The following MED13L variants were observed in gnomAD, a reference collection of about 807,000 sequenced individuals.
MED13L encodes the protein mediator complex subunit 13L.
A neutral mutation model predicts 220.9 loss-of-function variants in MED13L; 7 were observed. The ratio of observed to expected loss-of-function variants is 0.03; its 90% CI spans 0.02 to 0.06. The LOEUF is 0.06. Among genes scored for constraint, MED13L ranks in the 10% least tolerant of loss-of-function variants. The pLI, the probability that MED13L is intolerant of heterozygous loss-of-function variation, is 1.00. For synonymous variants in MED13L, 1,011 were observed against 1,015.2 expected, an observed-to-expected ratio of 1.00 and a Z score of 0.08; for missense variants, 1,965 against 2,760.5, an observed-to-expected ratio of 0.71 and a Z score of 6.46.
chr12:116,261,042 T>A (rs1254472760), intron 1 of MED13L, among the ~76,000 whole-genome samples: 5 of 152,102 alleles, frequency 3.3e-5, no homozygotes, highest in Admixed American at 3.3e-4. Flanking sequence ...CTTGCATGAA[T>A]CTTCCCCTGC....
At chr12:116,208,739 G>A (rs1379589122) in intron 2 of MED13L, among the ~76,000 whole-genome samples, 2 of 152,220 alleles carry the variant, frequency 1.3e-5, no homozygotes, top group African/African-American at 4.8e-5. Flanking sequence ...ACTGAGGCAG[G>A]AACACTGCTT....
At position 115,983,361 on chromosome 12, in the gene MED13L, T is replaced by C. The variant is rs773833981; in HGVS notation, c.4711A>G (p.Thr1571Ala). The change falls in exon 21 of 31, where the codon ACA becomes GCA. Residue 1571 changes from threonine (T) to alanine (A), a missense_variant. This residue lies in a region of MED13L where 510 missense variants were observed against 620.4 expected (regional missense o/e 0.82). Coordinates refer to ENST00000281928, the MANE Select transcript of MED13L (RefSeq NM_015335.5). ...GCAGAACTACTTGCTGCAGGATTTGTAGAACTACTATTCGAGGTGGGATTA... is the reference window on the plus strand; with the variant it reads ...GCAGAACTACTTGCTGCAGGATTTGCAGAACTACTATTCGAGGTGGGATTA... ...AFNPTSNSSS[T>A]NPAASSSASG... 3.7e-5 allele frequency: 59 copies of C among 1,614,078 alleles called. No homozygotes were observed. The highest frequency in any genetic ancestry group is 5.0e-5 in the Admixed American group (3 of 60,008).
chr12:116,165,467 A>G (rs909707267), intron 2 of MED13L, among the ~76,000 whole-genome samples: 1 of 151,752 alleles, frequency 6.6e-6, no homozygotes, highest in Middle Eastern at 3.2e-3. Flanking sequence ...AGCAGCTAGG[A>G]CTATAGGCGC....
At chr12:116,188,423 A>G (rs964313160) in intron 2 of MED13L, among the ~76,000 whole-genome samples, 1 of 152,158 alleles carries the variant, frequency 6.6e-6, no homozygotes, top group African/African-American at 2.4e-5. Flanking sequence ...ACCCAGCAAT[A>G]TATACAAATG....
At chr12:116,241,477 G>A (rs966149365) in intron 1 of MED13L, among the ~76,000 whole-genome samples, 3 of 152,040 alleles carry the variant, frequency 2.0e-5, no homozygotes, top group South Asian at 2.1e-4. Flanking sequence ...ATCTATGCAC[G>A]GTAATTTACT....
chr12:116,146,196 C>G (rs1387857716), intron 2 of MED13L, among the ~76,000 whole-genome samples: 1 of 152,128 alleles, frequency 6.6e-6, no homozygotes, highest in East Asian at 1.9e-4. Flanking sequence ...AATCTCGGTT[C>G]ACTGCAACCT....
intron 2 of MED13L, among the ~76,000 whole-genome samples, chr12:116,121,822 G>C (rs959695589): frequency 6.6e-6 from 1 of 152,116 alleles, no homozygotes. Flanking sequence ...ATTGAGTTCA[G>C]CAACGGCATT....
chr12:116,141,419 G>A (rs545205612), intron 2 of MED13L, among the ~76,000 whole-genome samples: 3 of 152,028 alleles, frequency 2.0e-5, no homozygotes, highest in Admixed American at 1.3e-4. Context: ...TATACAAAAC[G>A]AACTGAAAAC....
chr12:116,276,308 TTGTGTGTGTG>T (rs372521434), intron 1 of MED13L: 7,900 of 224,706 alleles, frequency 0.035, 131 homozygotes, highest in Middle Eastern at 0.063. Context: ...CTTGTTGCTT[TTGTGTGTGTG>T]TGTGTGTGTG....
At chr12:116,210,551 C>CTATATA (rs3043762) in intron 2 of MED13L, among the ~76,000 whole-genome samples, 3,515 of 113,396 alleles carry the variant, frequency 0.031, 84 homozygotes, top group Non-Finnish European at 0.036. Flanking sequence ...AGAACGTAAC[C>CTATATA]TATATATATA....
rs772075337 is a variant in MED13L at position 116,008,806 on chromosome 12, G to A, written c.1607C>T (p.Thr536Ile). 1 of 1,613,984 alleles carries A rather than the reference G, an allele frequency of 6.2e-7. No homozygotes were observed. The highest frequency in any genetic ancestry group is 2.2e-5 in the East Asian group (1 of 44,832). The part of the protein sequence containing the change: ...DKQMAVPSRN[T>I]SKQMNLNPMD... Reference sequence around the variant, plus strand: ...AGGATTCAGATTCATTTGCTTGCTTGTATTTCTGGAAGGCACGGCCATTTG... The same window carrying A: ...AGGATTCAGATTCATTTGCTTGCTTATATTTCTGGAAGGCACGGCCATTTG... The change falls in exon 10 of 31, where the codon ACA becomes ATA. Residue 536 changes from threonine to isoleucine, a missense_variant. Physicochemically the swap from Thr to Ile is moderately conservative, Grantham distance 89 (BLOSUM62 -1). Transcript: ENST00000281928.
chr12:116,012,074 G>A (rs1879444621), intron 9 of MED13L, among the ~76,000 whole-genome samples: 1 of 152,158 alleles, frequency 6.6e-6, no homozygotes, highest in Non-Finnish European at 1.5e-5. Flanking sequence ...TATTTCAGAA[G>A]CAGGGCTACT....
At chr12:116,048,035 CTTT>C (rs60589463) in intron 4 of MED13L, among the ~76,000 whole-genome samples, 1 of 146,142 alleles carries the variant, frequency 6.8e-6, no homozygotes. Context: ...ATATATGTTA[CTTT>C]TTTTTTTTTT....
intron 7 of MED13L, among the ~76,000 whole-genome samples, chr12:116,017,282 G>A (rs1172919889): frequency 6.6e-6 from 1 of 152,190 alleles, no homozygotes; most frequent in African/African-American, 2.4e-5. Flanking sequence ...ACTATTAAGA[G>A]TTCTGAACTG....
intron 4 of MED13L, among the ~76,000 whole-genome samples, chr12:116,051,046 T>C (rs566634872): frequency 1.3e-5 from 2 of 152,216 alleles, no homozygotes; most frequent in Non-Finnish European, 2.9e-5. Flanking sequence ...CAAAACTGTA[T>C]GCATAATACG....
chr12:116,037,445 A>G (rs909478838), intron 4 of MED13L, among the ~76,000 whole-genome samples: 1 of 152,246 alleles, frequency 6.6e-6, no homozygotes, highest in Non-Finnish European at 1.5e-5. Context: ...CATCCCCAAG[A>G]TAACTCATTT....
intron 2 of MED13L, among the ~76,000 whole-genome samples, chr12:116,203,519 C>T (rs996478435): frequency 6.6e-6 from 1 of 151,846 alleles, no homozygotes; most frequent in African/African-American, 2.4e-5. Context: ...GTGTAAGTTA[C>T]CACAAAAGAC....
At chr12:116,052,267 G>C (rs965142263) in intron 4 of MED13L, among the ~76,000 whole-genome samples, 12 of 152,144 alleles carry the variant, frequency 7.9e-5, no homozygotes, top group Admixed American at 5.9e-4. Flanking sequence ...CTTACACACA[G>C]GATAGAGAAA....
At chr12:116,129,597 A>G (rs1306113074) in intron 2 of MED13L, among the ~76,000 whole-genome samples, 1 of 151,548 alleles carries the variant, frequency 6.6e-6, no homozygotes, top group African/African-American at 2.4e-5. Context: ...TATAAATAAG[A>G]CTATTCACAA....
Sources: gnomAD v4.1 joint callset for allele counts (sites outside exome capture counted in the v4.1 genomes callset) on GRCh38, gnomAD v4.1.1 for gene constraint, gnomAD v4.1.1 regional missense constraint, MANE v1.5 for transcripts, NCBI Gene and HGNC (gene_info 2026-07-23, HGNC 2026-07-21) for gene names.